SLC24A2: variants seen among roughly 807,000 people sequenced by gnomAD.
The protein encoded by SLC24A2 is sodium/potassium/calcium exchanger 2.
A neutral mutation model predicts 62.0 loss-of-function variants in SLC24A2; 36 were observed. The ratio of observed to expected loss-of-function variants is 0.58; its 90% CI spans 0.44 to 0.77. SLC24A2 has a LOEUF of 0.77. Among genes scored for constraint, SLC24A2 ranks in the 30% least tolerant of loss-of-function variants. The pLI is 0.00. For missense variants in SLC24A2, 846 were observed against 817.9 expected (o/e 1.03, Z -0.42); for synonymous variants, 358 against 294.0 (o/e 1.22, Z -2.23).
the SLC24A2 span, among the ~76,000 whole-genome samples, chr9:19,875,993 G>T: frequency 1.3e-5 from 2 of 152,108 alleles, no homozygotes; most frequent in Non-Finnish European, 2.9e-5. Context: ...AAATGCAAGA[G>T]TTAGTAGAAT....
chr9:19,528,969 C>T (rs889202350), intron 8 of SLC24A2, among the ~76,000 whole-genome samples: 5 of 152,214 alleles, frequency 3.3e-5, no homozygotes, highest in Admixed American at 2.0e-4. Flanking sequence ...AAATCAGACA[C>T]TTGAAATGCA....
chr9:20,128,892 C>T, the SLC24A2 span, among the ~76,000 whole-genome samples: 9 of 151,908 alleles, frequency 5.9e-5, no homozygotes, highest in African/African-American at 2.2e-4. Flanking sequence ...GCAAAGGACT[C>T]GTACATATGA....
chr9:19,601,300 T>C (rs1012423702), intron 4 of SLC24A2, among the ~76,000 whole-genome samples: 3 of 152,054 alleles, frequency 2.0e-5, no homozygotes, highest in Non-Finnish European at 4.4e-5. Flanking sequence ...GCAGGGAGGA[T>C]TGAAAAAAGA....
At chr9:20,061,672 T>A in the SLC24A2 span, among the ~76,000 whole-genome samples, 300 of 152,280 alleles carry the variant, frequency 2.0e-3, 1 homozygote, top group African/African-American at 7.1e-3. Context: ...TAGCACCACA[T>A]ACAAACTTTA....
chr9:19,876,441 G>C, the SLC24A2 span, among the ~76,000 whole-genome samples: 9 of 150,658 alleles, frequency 6.0e-5, no homozygotes, highest in Non-Finnish European at 1.3e-4. Context: ...AGAATTCTTG[G>C]AAACCATATA....
chr9:19,976,085 T>C, the SLC24A2 span, among the ~76,000 whole-genome samples: 1 of 152,172 alleles, frequency 6.6e-6, no homozygotes, highest in East Asian at 1.9e-4. Flanking sequence ...AGTCTTGCCA[T>C]GTTGCCCAGG....
At chr9:20,304,998 C>A in the SLC24A2 span, among the ~76,000 whole-genome samples, 2,122 of 152,060 alleles carry the variant, frequency 0.014, 23 homozygotes, top group Non-Finnish European at 0.019. Context: ...TGACTCCCCA[C>A]TTCATATACC....
At chr9:19,670,919 C>A (rs1335480875) in intron 2 of SLC24A2, among the ~76,000 whole-genome samples, 5 of 152,092 alleles carry the variant, frequency 3.3e-5, no homozygotes, top group Admixed American at 3.3e-4. Context: ...AGTGCCAAGA[C>A]CTCAAACTAA....
chr9:20,070,329 G>T, the SLC24A2 span, among the ~76,000 whole-genome samples: 1 of 152,140 alleles, frequency 6.6e-6, no homozygotes, highest in African/African-American at 2.4e-5. Context: ...CTTCTGAGAT[G>T]CACTAAGATT....
At chr9:19,974,985 G>A in the SLC24A2 span, among the ~76,000 whole-genome samples, 3 of 152,128 alleles carry the variant, frequency 2.0e-5, no homozygotes, top group East Asian at 5.8e-4. Flanking sequence ...CTTTTTATCA[G>A]GTAGGAAAAT....
intron 2 of SLC24A2, among the ~76,000 whole-genome samples, chr9:19,743,507 T>C (rs978977293): frequency 4.6e-5 from 7 of 152,252 alleles, no homozygotes; most frequent in Admixed American, 2.0e-4. Context: ...GGGGACAGAA[T>C]GGGTGTGCTG....
In SLC24A2 at chr9:19,544,140, T is replaced by C. The variant is rs538503584; in HGVS notation, c.1479+5997A>G. Among the ~76,000 whole-genome samples, 87 of 152,292 alleles carry C rather than the reference T, an allele frequency of 5.7e-4. 1 individual carries two copies. Among genetic ancestry groups the C allele is most frequent in the African/African-American group, 2.1e-3 (86 of 41,564 alleles). On this transcript the variant is annotated intron_variant, in intron 8 of 10. Transcript: ENST00000341998. Reference sequence around the variant, plus strand: ...GAATGGTGTGCATATATATTTAGGATAGTTGGCTCTTCTTGTTGCATTGAT... The same window carrying C: ...GAATGGTGTGCATATATATTTAGGACAGTTGGCTCTTCTTGTTGCATTGAT...
the SLC24A2 span, among the ~76,000 whole-genome samples, chr9:19,953,188 C>T: frequency 2.0e-5 from 3 of 151,928 alleles, no homozygotes; most frequent in African/African-American, 4.8e-5. Flanking sequence ...ATAAGCGTAA[C>T]GATTTCATTG....
At chr9:19,887,805 T>A in the SLC24A2 span, among the ~76,000 whole-genome samples, 1 of 152,174 alleles carries the variant, frequency 6.6e-6, no homozygotes, top group Admixed American at 6.5e-5. Context: ...ATTACATATA[T>A]ATGATGGGAC....
At chr9:19,713,896 C>G (rs1394168000) in intron 2 of SLC24A2, among the ~76,000 whole-genome samples, 2 of 151,938 alleles carry the variant, frequency 1.3e-5, no homozygotes, top group Non-Finnish European at 2.9e-5. Context: ...AAAGAAATTA[C>G]AAGCACCAAG....
At chr9:20,061,288 A>AT in the SLC24A2 span, among the ~76,000 whole-genome samples, 3,439 of 146,104 alleles carry the variant, frequency 0.024, 131 homozygotes, top group African/African-American at 0.073. Context: ...TGGTCAACTG[A>AT]TTTTTTTTTT....
At chr9:20,125,441 G>C in the SLC24A2 span, among the ~76,000 whole-genome samples, 34 of 152,278 alleles carry the variant, frequency 2.2e-4, no homozygotes, top group Non-Finnish European at 4.0e-4. Context: ...ACCTTTAAAA[G>C]TCTTATAGTC....
chr9:20,222,092 G>A, the SLC24A2 span, among the ~76,000 whole-genome samples: 3 of 152,068 alleles, frequency 2.0e-5, no homozygotes, highest in Admixed American at 6.6e-5. Flanking sequence ...CTAAGATCTT[G>A]TTATATCTGG....
chr9:19,970,567 G>T, the SLC24A2 span, among the ~76,000 whole-genome samples: 2 of 152,158 alleles, frequency 1.3e-5, no homozygotes, highest in Admixed American at 1.3e-4. Context: ...AAAGCATTAA[G>T]CTCTAATAAG....
Sources: gnomAD v4.1 joint callset for allele counts (sites outside exome capture counted in the v4.1 genomes callset) on GRCh38, gnomAD v4.1.1 for gene constraint, MANE v1.5 for transcripts, NCBI Gene and HGNC (gene_info 2026-07-23, HGNC 2026-07-21) for gene names.